Variants in TEKT4 observed in about 807,000 individuals in gnomAD.
TEKT4 encodes tektin 4, also known as tektin-4.
Under a neutral mutation model 46.0 loss-of-function variants are expected in TEKT4, and 46 were observed. The observed-to-expected ratio is 1.00, with a 90% CI of 0.79 to 1.28. TEKT4 has a LOEUF of 1.28. TEKT4 is among the 50% of genes most tolerant of loss of function. TEKT4 has a pLI of 0.00. For missense variants in TEKT4, 790 were observed against 622.9 expected (o/e 1.27, Z -2.85); for synonymous variants, 325 against 265.8 (o/e 1.22, Z -2.17).
At chr2:94,872,798 C>T (rs1317993422) in intron 1 of TEKT4, 152 of 1,288,770 alleles carry the variant, frequency 1.2e-4, no homozygotes, top group Non-Finnish European at 1.5e-4. Flanking sequence ...TCCCTCCTCC[C>T]TTCTTTACCC....
At position 94,874,923 on chromosome 2, in the gene TEKT4, C is replaced by G. The variant is rs546744900; in HGVS notation, c.861C>G (p.Ala287=). The change falls in exon 4 of 6, where the codon GCC becomes GCG. Residue 287 remains alanine, a synonymous_variant. Transcript: ENST00000295201. ...AGGACCTGCGGCTCCAGTGCGACGCCGTGAACCTGGCCTTCGGGCGCCGCT... is the reference window on the plus strand; with the variant it reads ...AGGACCTGCGGCTCCAGTGCGACGCGGTGAACCTGGCCTTCGGGCGCCGCT... The part of the protein sequence containing the change: ...TSEDLRLQCD[A]VNLAFGRRCE... 2 of 1,612,220 alleles carry G rather than the reference C, an allele frequency of 1.2e-6. No homozygotes were observed. The highest frequency in any genetic ancestry group is 3.3e-5 in the Admixed American group (2 of 59,938).
At chr2:94,872,932 C>T in intron 1 of TEKT4, 1 of 1,289,440 alleles carries the variant, frequency 7.8e-7, no homozygotes, top group Non-Finnish European at 1.0e-6. Context: ...CACGGAGAGG[C>T]AAACCCAGGG....
chr2:94,876,710 A>G lies in TEKT4; in HGVS notation c.1249A>G (p.Lys417Glu). 1 of 1,612,532 alleles carries G rather than the reference A, an allele frequency of 6.2e-7. No individual in the cohort carries two copies. Among genetic ancestry groups the G allele is most frequent in the Non-Finnish European group, 8.5e-7 (1 of 1,180,010 alleles). ...CAACAGTCTCTTCATCGACCGCCAG[A>G]AGTGCATGGCCCATCGTACTCGCTA... is the stretch of plus-strand genomic sequence containing the variant. The part of the protein sequence containing the change: ...MTNSLFIDRQ[K>E]CMAHRTRYPT... Residue 417 changes from lysine to glutamate, a missense_variant, in exon 6 of 6, where the codon AAG (lysine) becomes GAG (glutamate). Physicochemically the swap from Lys to Glu is moderately conservative, Grantham distance 56 (BLOSUM62 1). Coordinates refer to ENST00000295201, the MANE Select transcript of TEKT4 (RefSeq NM_144705.4).
In TEKT4 at chr2:94,874,003, G is replaced by C; in HGVS notation, c.608G>C (p.Trp203Ser). The C allele has an allele frequency of 6.2e-7, 1 of 1,613,908 alleles. No individual in the cohort carries two copies. The highest frequency in any genetic ancestry group is 8.5e-7 in the Non-Finnish European group (1 of 1,179,984). Residue 203 changes from tryptophan to serine, a missense_variant, in exon 3 of 6, where the codon TGG (tryptophan) becomes TCG (serine). Physicochemically the swap from Trp to Ser is radical, Grantham distance 177. Transcript: ENST00000295201. Reference protein sequence around the residue: ...REHKETCEMDWSDKMEAYNID... With the variant: ...REHKETCEMDSSDKMEAYNID... ...CACAAGGAGACCTGCGAGATGGACT[G>C]GTCAGACAAGATGGAGGCCTACAAC... is the stretch of plus-strand genomic sequence containing the variant.
At chr2:94,874,637 T>C in intron 3 of TEKT4, 139 bp from the exon 4 acceptor site, 1 of 785,444 alleles carries the variant, frequency 1.3e-6, no homozygotes, top group Non-Finnish European at 2.0e-6. Context: ...CTGGGCTTTG[T>C]GGGGCAGCAT....
chr2:94,872,867 C>A lies in TEKT4; in HGVS notation c.499-653C>A, dbSNP rs1553395070. 7 of 1,289,400 alleles carry A rather than the reference C, an allele frequency of 5.4e-6. No individual in the cohort carries two copies. In the Admixed American group the frequency reaches 1.1e-4, roughly 21 times the overall value. 79.9% of individuals were successfully genotyped at this position (1,289,400 alleles called of 1,614,324 possible). A position where few individuals can be genotyped will look rare whatever the true frequency, so the allele number is the denominator to read the frequency against. ...GCCTCAAGAACTCCTGCAGCTCCCG[C>A]AAACTCTCTGCCCGCAACAAGGGCA... is the stretch of plus-strand genomic sequence containing the variant. On this transcript the variant is annotated intron_variant, in intron 1 of 5. Coordinates refer to ENST00000295201, the MANE Select transcript of TEKT4 (RefSeq NM_144705.4).
At chr2:94,872,242 G>A (rs1379853104) in intron 1 of TEKT4, 165 bp downstream of exon 1, 6 of 900,884 alleles carry the variant, frequency 6.7e-6, no homozygotes, top group Admixed American at 5.9e-5. Flanking sequence ...AGTGACAGGA[G>A]GCAGCTTTGC....
At chr2:94,874,649 G>C (rs782221508) in intron 3 of TEKT4, 127 bp from the exon 4 acceptor site, 9 of 837,424 alleles carry the variant, frequency 1.1e-5, no homozygotes, top group Non-Finnish European at 1.6e-5. Flanking sequence ...GGGCAGCATG[G>C]GGTGCATCGG....
At chr2:94,873,107 G>A in intron 1 of TEKT4, 1 of 1,241,938 alleles carries the variant, frequency 8.1e-7, no homozygotes. Flanking sequence ...GTGTGAAGAT[G>A]GCCTTTCCCA....
At chr2:94,874,624 G>T in intron 3 of TEKT4, 152 bp from the exon 4 acceptor site, 1 of 723,880 alleles carries the variant, frequency 1.4e-6, no homozygotes, top group Non-Finnish European at 2.2e-6. Context: ...GGAGCCTGAG[G>T]GACTGGGCTT....
rs374382337 is a variant in TEKT4 at position 94,874,767 on chromosome 2, G to A, written c.714-9G>A. ...CCCGACCCTCTCCTGGCTGTCCCCC[G>A]CCCCGCAGCGCCTCCACCCCGGAGA... On this transcript the variant is annotated splice_polypyrimidine_tract_variant and intron_variant, in intron 3 of 5. Coordinates refer to ENST00000295201, the MANE Select transcript of TEKT4 (RefSeq NM_144705.4). 552 of 1,555,836 alleles carry A rather than the reference G, an allele frequency of 3.5e-4. 1 individual carries two copies. Among genetic ancestry groups the A allele is most frequent in the South Asian group, 2.5e-4 (21 of 85,026 alleles).
At chr2:94,872,124 G>A (rs1362027501) in intron 1 of TEKT4, 47 bp downstream of exon 1, 2 of 1,448,080 alleles carry the variant, frequency 1.4e-6, no homozygotes, top group Non-Finnish European at 1.8e-6. Flanking sequence ...CAGAGAGGAG[G>A]AGCCCCCCCC....
chr2:94,872,070 T>A lies in TEKT4; in HGVS notation c.491T>A (p.Leu164Gln), dbSNP rs1286634652. Residue 164 changes from leucine (L) to glutamine (Q), a missense_variant, in exon 1 of 6, where the codon CTG becomes CAG. Coordinates refer to ENST00000295201, the MANE Select transcript of TEKT4 (RefSeq NM_144705.4). ...GTGCGCGACCATGTGGAAACGGAGC[T>A]GCTGAAGGTGCCAGCACCCTTGGGT... ...NLVRDHVETELLKEAELIRNI... is the reference protein window; with the variant it reads ...NLVRDHVETEQLKEAELIRNI... 2 of 1,540,890 alleles carry A rather than the reference T, an allele frequency of 1.3e-6. No individual in the cohort carries two copies. Among genetic ancestry groups the A allele is most frequent in the Non-Finnish European group, 1.7e-6 (2 of 1,143,622 alleles).
intron 5 of TEKT4, among the ~76,000 whole-genome samples, chr2:94,876,032 A>G (rs189315802): frequency 8.5e-5 from 13 of 152,286 alleles, no homozygotes; most frequent in Admixed American, 5.9e-4. Context: ...TCCTTCAGAC[A>G]AGGTGAGCTC....
Position 94,874,066 on chromosome 2 carries a change from C to T in TEKT4, c.671C>T (p.Thr224Ile), listed in dbSNP as rs782133683. Reference protein sequence around the residue: ...ETCGRHHSQSTEVQAHPYSTT... With the variant: ...ETCGRHHSQSIEVQAHPYSTT... ...TGCGGGCGCCACCACAGCCAGAGCA[C>T]CGAGGTGCAGGCTCATCCGTACTCC... Residue 224 changes from threonine (T) to isoleucine (I), a missense_variant, in exon 3 of 6, where the codon ACC (threonine) becomes ATC (isoleucine). Transcript: ENST00000295201. The T allele has an allele frequency of 1.4e-5, 23 of 1,613,548 alleles. No homozygotes were observed. Among genetic ancestry groups the T allele is most frequent in the Non-Finnish European group, 1.9e-5 (22 of 1,179,942 alleles).
chr2:94,872,630 C>T (rs1401486019), intron 1 of TEKT4: 5 of 368,294 alleles, frequency 1.4e-5, no homozygotes, highest in Non-Finnish European at 2.1e-5. Context: ...CAGATGCTGG[C>T]TCTGGAGAAT....
At chr2:94,875,110 C>T (rs1463544065) in intron 4 of TEKT4, 112 bp downstream of exon 4, 6 of 1,167,774 alleles carry the variant, frequency 5.1e-6, no homozygotes, top group Non-Finnish European at 7.2e-6. Flanking sequence ...CAAGTGTCTC[C>T]TCTCCGTAAA....
chr2:94,874,182 G>C (rs77146392), intron 3 of TEKT4, 74 bp downstream of exon 3: 5 of 1,546,968 alleles, frequency 3.2e-6, no homozygotes, highest in Middle Eastern at 2.2e-4. Flanking sequence ...CCCCAGCGGC[G>C]CTGCTTTCAC....
At chr2:94,872,331 G>A (rs1222950468) in intron 1 of TEKT4, 2 of 575,442 alleles carry the variant, frequency 3.5e-6, no homozygotes, top group South Asian at 2.2e-5. Context: ...CAGTCATCCT[G>A]ACCCTGGGCT....
Sources: gnomAD v4.1 joint callset for allele counts (sites outside exome capture counted in the v4.1 genomes callset) on GRCh38, gnomAD v4.1.1 for gene constraint, MANE v1.5 for transcripts, NCBI Gene and HGNC (gene_info 2026-07-23, HGNC 2026-07-21) for gene names.